The following KCNT2 variants were observed in gnomAD, a reference collection of about 807,000 sequenced individuals.
KCNT2 encodes potassium channel subfamily T member 2.
In KCNT2, 67 loss-of-function variants were observed where a neutral mutation model predicts 153.8. The ratio of observed to expected loss-of-function variants is 0.44; its 90% CI spans 0.36 to 0.53. The LOEUF (loss-of-function observed/expected upper bound fraction) is 0.53. Ranked by LOEUF, KCNT2 falls within the 20% of genes least tolerant of loss-of-function variation. The probability of loss-of-function intolerance (pLI) is 0.00; values close to 1 mark genes in which losing one functional copy is unlikely to be tolerated. For synonymous variants in KCNT2, 500 were observed against 458.8 expected, an observed-to-expected ratio of 1.09 and a Z score of -1.15; for missense variants, 975 against 1,354.8, an observed-to-expected ratio of 0.72 and a Z score of 4.40.
Position 196,349,824 on chromosome 1 carries a change from A to G in KCNT2, c.1404-7596T>C, listed in dbSNP as rs1042337990. Among the ~76,000 whole-genome samples the G allele has an allele frequency of 1.1e-4, 16 of 152,080 alleles. No homozygotes were observed. In the East Asian group the frequency reaches 2.7e-3, roughly 26 times the overall value. On this transcript the variant is annotated intron_variant, in intron 14 of 27. Transcript: ENST00000294725. The stretch of plus-strand genomic sequence containing the variant: ...TGCACCCATTAACTCGTCATTTAGC[A>G]TTAGGTATATCTCCTAATGCTATCC...
At chr1:196,481,534 C>T (rs764522390) in intron 4 of KCNT2, among the ~76,000 whole-genome samples, 1 of 152,168 alleles carries the variant, frequency 6.6e-6, no homozygotes, top group Non-Finnish European at 1.5e-5. Flanking sequence ...TTTCTCTTTC[C>T]TCCAGACTCA....
chr1:196,300,946 T>G (rs1389264340), intron 22 of KCNT2, among the ~76,000 whole-genome samples: 2 of 152,014 alleles, frequency 1.3e-5, no homozygotes, highest in Non-Finnish European at 2.9e-5. Context: ...TCCTACAACC[T>G]CCTGTCAGTC....
chr1:196,410,411 C>T (rs1672194541), intron 12 of KCNT2, among the ~76,000 whole-genome samples: 1 of 150,980 alleles, frequency 6.6e-6, no homozygotes, highest in South Asian at 2.1e-4. Context: ...ACACTGGGGC[C>T]TGTTGTGGGG....
In KCNT2 at chr1:196,315,801, C is replaced by T. The variant is rs1397456054; in HGVS notation, c.2483+91G>A. ...ATAAATGAACATAAAGTTGGTGTGTCTCATGTTCATTCCTCACAGAGTCAG... is the reference window on the plus strand; with the variant it reads ...ATAAATGAACATAAAGTTGGTGTGTTTCATGTTCATTCCTCACAGAGTCAG... On this transcript the variant is annotated intron_variant, in intron 21 of 27. Transcript: ENST00000294725. 18 of 1,143,896 alleles carry T rather than the reference C, an allele frequency of 1.6e-5. No homozygotes were observed. In the East Asian group the frequency reaches 3.9e-4, roughly 25 times the overall value. 70.9% of individuals were successfully genotyped at this position (1,143,896 alleles called of 1,614,324 possible).
intron 1 of KCNT2, among the ~76,000 whole-genome samples, chr1:196,543,504 C>T (rs1180495449): frequency 6.6e-6 from 1 of 151,998 alleles, no homozygotes; most frequent in Non-Finnish European, 1.5e-5. Flanking sequence ...AAAAGAAAAT[C>T]TTGGGAAATA....
intron 19 of KCNT2, among the ~76,000 whole-genome samples, chr1:196,320,340 C>T (rs1379402125): frequency 6.6e-6 from 1 of 151,780 alleles, no homozygotes; most frequent in Non-Finnish European, 1.5e-5. Context: ...CATTTTAACA[C>T]ATTCAGGTAT....
intron 5 of KCNT2, among the ~76,000 whole-genome samples, chr1:196,472,153 A>C (rs943024065): frequency 6.6e-6 from 1 of 152,200 alleles, no homozygotes; most frequent in East Asian, 1.9e-4. Context: ...CTAATTTTTT[A>C]AAATGCTTGT....
intron 1 of KCNT2, among the ~76,000 whole-genome samples, chr1:196,497,898 C>T (rs1309729520): frequency 2.6e-5 from 4 of 152,038 alleles, no homozygotes; most frequent in Admixed American, 1.3e-4. Flanking sequence ...TTTTCTTCTA[C>T]AGTAATAATG....
In KCNT2 at chr1:196,608,429, G is replaced by A. The variant is rs898492513; in HGVS notation, c.-120C>T. On this transcript the variant is annotated 5_prime_UTR_variant, in exon 1 of 28. Transcript: ENST00000294725. ...GACGCTGTGGCCGAGAGAGGGATGG[G>A]AGAAGGGGAAGGGGACAGGGAGGGG... is the stretch of plus-strand genomic sequence containing the variant. 8 of 745,118 alleles carry A rather than the reference G, an allele frequency of 1.1e-5. No individual in the cohort carries two copies. The highest frequency in any genetic ancestry group is 1.7e-5 in the African/African-American group (1 of 58,364). 46.2% of individuals were successfully genotyped at this position (745,118 alleles called of 1,614,324 possible).
chr1:196,503,951 T>A (rs1039110740), intron 1 of KCNT2, among the ~76,000 whole-genome samples: 2 of 152,164 alleles, frequency 1.3e-5, no homozygotes, highest in African/African-American at 4.8e-5. Flanking sequence ...CTTGCTTAAG[T>A]TACGACTTTT....
At chr1:196,512,884 C>T (rs1167311409) in intron 1 of KCNT2, among the ~76,000 whole-genome samples, 1 of 152,108 alleles carries the variant, frequency 6.6e-6, no homozygotes, top group Admixed American at 6.6e-5. Flanking sequence ...TAAGGCATGA[C>T]CTTTAATTAG....
intron 8 of KCNT2, among the ~76,000 whole-genome samples, chr1:196,461,692 T>C (rs952272799): frequency 1.3e-5 from 2 of 151,714 alleles, no homozygotes; most frequent in South Asian, 4.1e-4. Context: ...CCAGCTGTCT[T>C]GGAAGTGTGT....
At chr1:196,411,471 G>A (rs1171347987) in intron 12 of KCNT2, among the ~76,000 whole-genome samples, 22 of 122,130 alleles carry the variant, frequency 1.8e-4, no homozygotes, top group Admixed American at 1.0e-3. Context: ...AAAAAAAAAC[G>A]GCCAGTGAGA....
intron 8 of KCNT2, among the ~76,000 whole-genome samples, chr1:196,434,995 G>T (rs554474246): frequency 6.6e-6 from 1 of 151,224 alleles, no homozygotes; most frequent in African/African-American, 2.4e-5. Flanking sequence ...GAAGTTGAAA[G>T]AGTAATTACA....
chr1:196,574,365 C>T (rs926703139), intron 1 of KCNT2, among the ~76,000 whole-genome samples: 3 of 151,340 alleles, frequency 2.0e-5, no homozygotes, highest in Non-Finnish European at 4.4e-5. Flanking sequence ...ACTATCACAG[C>T]AATCCTACAA....
chr1:196,292,286 ACT>A (rs1660252099), intron 22 of KCNT2, among the ~76,000 whole-genome samples: 2 of 152,180 alleles, frequency 1.3e-5, no homozygotes, highest in Admixed American at 6.5e-5. Context: ...ATGATGGAAA[ACT>A]CTCAACAAAT....
intron 1 of KCNT2, among the ~76,000 whole-genome samples, chr1:196,535,207 C>T (rs1273997815): frequency 6.6e-6 from 1 of 152,112 alleles, no homozygotes; most frequent in Non-Finnish European, 1.5e-5. Context: ...TGTACCATGG[C>T]CCTCATCAAG....
chr1:196,371,976 G>T (rs1326165774), intron 14 of KCNT2, among the ~76,000 whole-genome samples: 1 of 152,058 alleles, frequency 6.6e-6, no homozygotes, highest in African/African-American at 2.4e-5. Flanking sequence ...TTCTATGAAT[G>T]TTCACTTAAT....
At chr1:196,257,618 G>T in intron 26 of KCNT2, 1 of 927,994 alleles carries the variant, frequency 1.1e-6, no homozygotes, top group Non-Finnish European at 1.3e-6. Flanking sequence ...TATTTAAGCT[G>T]TGTCTATAGT....
Sources: gnomAD v4.1 joint callset for allele counts (sites outside exome capture counted in the v4.1 genomes callset) on GRCh38, gnomAD v4.1.1 for gene constraint, MANE v1.5 for transcripts, NCBI Gene and HGNC (gene_info 2026-07-23, HGNC 2026-07-21) for gene names.